The following IPPK variants were observed in gnomAD, a reference collection of about 807,000 sequenced individuals.
IPPK encodes inositol-pentakisphosphate 2-kinase.
In IPPK, 22 loss-of-function variants were observed where a neutral mutation model predicts 64.6. The observed-to-expected ratio is 0.34, with a 90% CI of 0.24 to 0.49. The LOEUF is 0.49. Among genes scored for constraint, IPPK ranks in the 20% least tolerant of loss-of-function variants. The pLI is 0.99. For synonymous variants in IPPK, 262 were observed against 247.2 expected (o/e 1.06, Z -0.56); for missense variants, 532 against 630.7 (o/e 0.84, Z 1.68).
At chr9:92,662,985 C>T (rs969593443) in intron 1 of IPPK, among the ~76,000 whole-genome samples, 8 of 152,186 alleles carry the variant, frequency 5.3e-5, no homozygotes, top group African/African-American at 9.7e-5. Context: ...CGAAGACTTT[C>T]GGCAAAGCCC....
At chr9:92,662,518 C>A (rs1852506994) in intron 1 of IPPK, among the ~76,000 whole-genome samples, 1 of 150,364 alleles carries the variant, frequency 6.7e-6, no homozygotes, top group African/African-American at 2.5e-5. Context: ...AGCGAAACTC[C>A]GTCTCAAAAA....
intron 11 of IPPK, among the ~76,000 whole-genome samples, chr9:92,624,953 G>A (rs542789242): frequency 8.6e-5 from 13 of 151,864 alleles, no homozygotes; most frequent in African/African-American, 3.1e-4. Context: ...GCATGATCTC[G>A]TAAGTCAAGT....
rs1851375246 is a variant in IPPK at position 92,614,645 on chromosome 9, A to C, written c.*1187T>G. 6.5e-6 allele frequency: 1 copy of C among 152,684 alleles called. No homozygotes were observed. The highest frequency in any genetic ancestry group is 1.9e-4 in the East Asian group (1 of 5,196). The allele number at this position is 152,684 out of a possible 1,614,324, so 9.5% of individuals were successfully genotyped here. A position where few individuals can be genotyped will look rare whatever the true frequency, so the allele number is the denominator to read the frequency against. ...CAGCAAAATAGTTTCCTTATTTCTC[A>C]TGTATCATTTTCATATAATTCCATG... On this transcript the variant is annotated 3_prime_UTR_variant, in exon 13 of 13. Transcript: ENST00000287996.
At position 92,634,422 on chromosome 9, in the gene IPPK, A is replaced by G; in HGVS notation, c.1134T>C (p.Thr378=). Residue 378 remains threonine, a synonymous_variant, in exon 11 of 13, where the codon ACT becomes ACC. Coordinates refer to ENST00000287996, the MANE Select transcript of IPPK (RefSeq NM_022755.6). The stretch of plus-strand genomic sequence containing the variant: ...CGAAGGCCACTGTCCCGTCATCCTC[A>G]GTGGAAAGGTCAAGCAGCTTCTGGT... ...AFYQKLLDLS[T]EDDGTVAFAL... is the part of the protein sequence containing the mutation. 6.2e-7 allele frequency: 1 copy of G among 1,614,164 alleles called. No homozygotes were observed. The highest frequency in any genetic ancestry group is 1.7e-5 in the Admixed American group (1 of 60,030).
At chr9:92,624,302 A>G (rs1267318904) in intron 11 of IPPK, among the ~76,000 whole-genome samples, 2 of 152,136 alleles carry the variant, frequency 1.3e-5, no homozygotes, top group Non-Finnish European at 2.9e-5. Context: ...ACATGGTGAA[A>G]CCCCATCTCT....
At chr9:92,621,384 CAAA>C (rs1564027319) in intron 11 of IPPK, among the ~76,000 whole-genome samples, 2 of 151,356 alleles carry the variant, frequency 1.3e-5, no homozygotes, top group Admixed American at 6.6e-5. Flanking sequence ...ATAGATAAAA[CAAA>C]AAATTTCTAG....
chr9:92,642,031 C>A (rs1852056998), intron 7 of IPPK, among the ~76,000 whole-genome samples: 2 of 152,212 alleles, frequency 1.3e-5, no homozygotes, highest in Non-Finnish European at 2.9e-5. Context: ...TGAGTTGGGG[C>A]AGGGCACTGC....
chr9:92,639,489 T>C (rs915597449), intron 8 of IPPK, among the ~76,000 whole-genome samples: 3 of 152,212 alleles, frequency 2.0e-5, no homozygotes, highest in Admixed American at 1.3e-4. Context: ...AAAATCATTC[T>C]GCATCCCTTC....
intron 5 of IPPK, among the ~76,000 whole-genome samples, chr9:92,648,416 C>T (rs1410206662): frequency 6.6e-6 from 1 of 152,192 alleles, no homozygotes; most frequent in Non-Finnish European, 1.5e-5. Context: ...GCACAACACA[C>T]AATAGCTTCA....
At position 92,622,461 on chromosome 9, in the gene IPPK, T is replaced by C. The variant is rs904079335; in HGVS notation, c.1171-2896A>G. Among the ~76,000 whole-genome samples, 5 of 152,242 alleles carry C rather than the reference T, an allele frequency of 3.3e-5. No homozygotes were observed. The South Asian group carries it at 6.2e-4, about 19-fold the overall frequency. On this transcript the variant is annotated intron_variant, in intron 11 of 12. Coordinates refer to ENST00000287996, the MANE Select transcript of IPPK (RefSeq NM_022755.6). ...AAAGTTGATGTATGCAAAGTCAAAA[T>C]AGAAAAACCAATCACATTACTGCAT...
intron 1 of IPPK, among the ~76,000 whole-genome samples, chr9:92,658,919 C>G (rs994890669): frequency 6.6e-6 from 1 of 152,182 alleles, no homozygotes; most frequent in Non-Finnish European, 1.5e-5. Flanking sequence ...AGGACTTTAT[C>G]TTAAGGAAAG....
intron 6 of IPPK, among the ~76,000 whole-genome samples, chr9:92,645,765 C>T (rs1194730695): frequency 6.6e-6 from 1 of 152,050 alleles, no homozygotes; most frequent in Non-Finnish European, 1.5e-5. Context: ...TCTACCAAGA[C>T]TATCCTTTGA....
chr9:92,622,090 A>G (rs1305119104), intron 11 of IPPK, among the ~76,000 whole-genome samples: 1 of 152,254 alleles, frequency 6.6e-6, no homozygotes, highest in Non-Finnish European at 1.5e-5. Context: ...TCATCTCAAT[A>G]GAAATAGAAA....
chr9:92,649,793 C>CT (rs1455829250), intron 4 of IPPK, among the ~76,000 whole-genome samples: 8 of 151,648 alleles, frequency 5.3e-5, no homozygotes, highest in East Asian at 3.9e-4. Context: ...TTTGGGAGGC[C>CT]AAGGCAGGTG....
intron 11 of IPPK, among the ~76,000 whole-genome samples, chr9:92,625,217 TTAAAA>T (rs1333637307): frequency 2.0e-5 from 3 of 152,214 alleles, no homozygotes; most frequent in Non-Finnish European, 4.4e-5. Flanking sequence ...GTTTAGAAAA[TTAAAA>T]TAAAACATTT....
chr9:92,628,588 G>A (rs1056623582), intron 11 of IPPK, among the ~76,000 whole-genome samples: 2 of 152,136 alleles, frequency 1.3e-5, no homozygotes, highest in Non-Finnish European at 2.9e-5. Flanking sequence ...CTCAACAAAT[G>A]GTGCTGACCG....
rs535629906 is a variant in IPPK, at chr9:92,665,780, A to T, written c.81+4128T>A. Reference sequence around the variant, plus strand: ...TTCATCCACTACAAAATAATCATTTAAATTATTAAAATATACAAAATCATG... The same window carrying T: ...TTCATCCACTACAAAATAATCATTTTAATTATTAAAATATACAAAATCATG... On this transcript the variant is annotated intron_variant, in intron 1 of 12. Coordinates refer to ENST00000287996, the MANE Select transcript of IPPK (RefSeq NM_022755.6). 2.5e-3 allele frequency among the ~76,000 whole-genome samples: 374 copies of T among 152,292 alleles called. 2 individuals are homozygous for T. Among genetic ancestry groups the T allele is most frequent in the Middle Eastern group, 0.01 (3 of 294 alleles).
intron 6 of IPPK, among the ~76,000 whole-genome samples, chr9:92,645,933 C>CAGTAAAGGT (rs1380494973): frequency 6.6e-6 from 1 of 151,624 alleles, no homozygotes; most frequent in Non-Finnish European, 1.5e-5. Context: ...TAAAGAGTAT[C>CAGTAAAGGT]AGTAAAGGTA....
At chr9:92,627,378 G>A (rs989170336) in intron 11 of IPPK, among the ~76,000 whole-genome samples, 21 of 152,078 alleles carry the variant, frequency 1.4e-4, no homozygotes, top group Non-Finnish European at 2.8e-4. Flanking sequence ...GTTACACCCC[G>A]ATCCCAAAAA....
Sources: gnomAD v4.1 joint callset for allele counts (sites outside exome capture counted in the v4.1 genomes callset) on GRCh38, gnomAD v4.1.1 for gene constraint, MANE v1.5 for transcripts, NCBI Gene and HGNC (gene_info 2026-07-23, HGNC 2026-07-21) for gene names.